The following SUGCT variants were observed in gnomAD, a reference collection of about 807,000 sequenced individuals.
The protein encoded by SUGCT is succinyl-CoA:glutarate-CoA transferase, also known as succinyl-CoA:glutarate CoA-transferase.
A neutral mutation model predicts 55.0 loss-of-function variants in SUGCT; 41 were observed. The observed-to-expected ratio is 0.74, with a 90% CI of 0.58 to 0.97. SUGCT has a LOEUF of 0.97. Among genes scored for constraint, SUGCT ranks in the 50% least tolerant of loss-of-function variants. The pLI, the probability that SUGCT is intolerant of heterozygous loss-of-function variation, is 0.00. For synonymous variants in SUGCT, 187 were observed against 200.4 expected (o/e 0.93, Z 0.56); for missense variants, 568 against 547.8 (o/e 1.04, Z -0.37).
chr7:40,451,247 G>A (rs759753701), intron 10 of SUGCT, among the ~76,000 whole-genome samples: 2 of 152,098 alleles, frequency 1.3e-5, no homozygotes, highest in Non-Finnish European at 2.9e-5. Flanking sequence ...GGGGTTGGGG[G>A]TGGGAGGACC....
intron 12 of SUGCT, among the ~76,000 whole-genome samples, chr7:40,549,822 G>A (rs1447879079): frequency 6.6e-6 from 1 of 152,080 alleles, no homozygotes; most frequent in East Asian, 1.9e-4. Context: ...AAAGATGAGG[G>A]GAGTGGACAG....
chr7:40,194,720 T>C (rs911389181), intron 5 of SUGCT, among the ~76,000 whole-genome samples: 1 of 152,256 alleles, frequency 6.6e-6, no homozygotes, highest in Non-Finnish European at 1.5e-5. Context: ...CCATTCTGCA[T>C]GTACTTACAT....
intron 12 of SUGCT, among the ~76,000 whole-genome samples, chr7:40,702,685 C>T (rs1785216804): frequency 2.6e-5 from 4 of 152,124 alleles, no homozygotes; most frequent in African/African-American, 9.7e-5. Context: ...CAATATGAGT[C>T]GGCTCCATGT....
At chr7:40,909,124 T>C in the SUGCT span, among the ~76,000 whole-genome samples, 1 of 152,214 alleles carries the variant, frequency 6.6e-6, no homozygotes. Flanking sequence ...TAAAATTTTA[T>C]TAAGTAAAAG....
intron 13 of SUGCT, among the ~76,000 whole-genome samples, chr7:40,794,459 C>A (rs1038443111): frequency 4.6e-5 from 7 of 152,070 alleles, no homozygotes; most frequent in Admixed American, 4.6e-4. Flanking sequence ...ATTTATAGTT[C>A]ACCATTTCAC....
chr7:40,566,804 G>A (rs1164167826), intron 12 of SUGCT, among the ~76,000 whole-genome samples: 2 of 152,110 alleles, frequency 1.3e-5, no homozygotes, highest in Admixed American at 1.3e-4. Flanking sequence ...AAAGCCTATA[G>A]CAATCTTAGA....
At chr7:40,176,026 G>A (rs1002355132) in intron 1 of SUGCT, among the ~76,000 whole-genome samples, 5 of 152,118 alleles carry the variant, frequency 3.3e-5, no homozygotes, top group African/African-American at 4.8e-5. Flanking sequence ...GAGATGAGGC[G>A]TTGGAGATCA....
chr7:40,572,386 A>G (rs1396249512), intron 12 of SUGCT, among the ~76,000 whole-genome samples: 1 of 152,116 alleles, frequency 6.6e-6, no homozygotes, highest in African/African-American at 2.4e-5. Context: ...ATATTTTGGT[A>G]TCACTGGCTC....
At chr7:40,318,165 G>T (rs1584665961) in intron 9 of SUGCT, among the ~76,000 whole-genome samples, 2 of 152,028 alleles carry the variant, frequency 1.3e-5, no homozygotes, top group Admixed American at 6.6e-5. Context: ...ACCTAGATTG[G>T]GCAGATGAAC....
chr7:40,941,656 T>C, the SUGCT span, among the ~76,000 whole-genome samples: 1 of 152,102 alleles, frequency 6.6e-6, no homozygotes, highest in East Asian at 1.9e-4. Flanking sequence ...GTCTGTGCTG[T>C]CAGTGGAGTG....
intron 8 of SUGCT, among the ~76,000 whole-genome samples, chr7:40,276,068 C>T (rs1489636652): frequency 6.6e-6 from 1 of 152,070 alleles, no homozygotes; most frequent in Non-Finnish European, 1.5e-5. Flanking sequence ...ATATTTTTTC[C>T]TCTTAGGCAA....
rs576827986 is a variant in SUGCT, at chr7:40,696,036, C to A, written c.1090-53398C>A. On this transcript the variant is annotated intron_variant, in intron 12 of 13. Coordinates refer to ENST00000335693, the MANE Select transcript of SUGCT (RefSeq NM_001193313.2). Reference sequence around the variant, plus strand: ...CTTGTCTACTTACTACTGTATACCACCAACCCATCCTACAGTTCTTTTCCC... The same window carrying A: ...CTTGTCTACTTACTACTGTATACCAACAACCCATCCTACAGTTCTTTTCCC... Among the ~76,000 whole-genome samples the A allele has an allele frequency of 6.7e-4, 102 of 152,282 alleles. No homozygotes were observed. In the South Asian group the frequency reaches 9.6e-3, roughly 14 times the overall value.
intron 6 of SUGCT, among the ~76,000 whole-genome samples, chr7:40,233,661 T>C (rs1000395497): frequency 5.3e-5 from 8 of 152,230 alleles, no homozygotes; most frequent in African/African-American, 1.9e-4. Context: ...GTAGTTTTCT[T>C]TTTGTTATTC....
chr7:40,504,080 G>C (rs947782532), intron 12 of SUGCT, among the ~76,000 whole-genome samples: 1 of 152,240 alleles, frequency 6.6e-6, no homozygotes, highest in African/African-American at 2.4e-5. Flanking sequence ...GGAAAGATAC[G>C]TTCGTCAAAG....
intron 9 of SUGCT, among the ~76,000 whole-genome samples, chr7:40,418,442 C>G (rs1787127279): frequency 6.6e-6 from 1 of 152,192 alleles, no homozygotes; most frequent in South Asian, 2.1e-4. Flanking sequence ...CTGATTCACC[C>G]TCACTGCACA....
At chr7:40,962,612 T>C in the SUGCT span, among the ~76,000 whole-genome samples, 21 of 110,150 alleles carry the variant, frequency 1.9e-4, 1 homozygote, top group South Asian at 3.0e-3. Flanking sequence ...CACACACACA[T>C]CAGAAAAATG....
At chr7:40,309,389 G>A (rs540311914) in intron 8 of SUGCT, among the ~76,000 whole-genome samples, 18 of 151,874 alleles carry the variant, frequency 1.2e-4, no homozygotes, top group Admixed American at 3.3e-4. Flanking sequence ...TGCAACCTCC[G>A]CCTCAAGCGA....
chr7:40,309,664 T>G (rs1348713744), intron 8 of SUGCT, among the ~76,000 whole-genome samples: 1 of 152,136 alleles, frequency 6.6e-6, no homozygotes, highest in Admixed American at 6.5e-5. Flanking sequence ...ATATTTGCTC[T>G]TTACCCTAAA....
chr7:40,961,077 A>G, the SUGCT span, among the ~76,000 whole-genome samples: 5,632 of 152,336 alleles, frequency 0.037, 123 homozygotes, highest in Non-Finnish European at 0.047. Flanking sequence ...AAACAACACT[A>G]TCACGGTTTA....
Sources: allele counts gnomAD v4.1 joint callset (sites outside exome capture counted in the v4.1 genomes callset), GRCh38; gene constraint gnomAD v4.1.1; transcripts MANE v1.5; gene names NCBI Gene and HGNC (gene_info 2026-07-23, HGNC 2026-07-21).